ADAM12: variants seen among roughly 807,000 people sequenced by gnomAD.
ADAM12 encodes the protein ADAM metallopeptidase domain 12.
In ADAM12, 70 loss-of-function variants were observed where a neutral mutation model predicts 106.4. The observed-to-expected ratio is 0.66, with a 90% CI of 0.54 to 0.80. The LOEUF (loss-of-function observed/expected upper bound fraction) is 0.80, where lower values mean the gene tolerates loss of function less well. ADAM12 is among the 30% of genes least tolerant of loss of function. The probability of loss-of-function intolerance (pLI) is 0.00; values close to 1 mark genes in which losing one functional copy is unlikely to be tolerated. For missense variants in ADAM12, 1,010 were observed against 1,171.9 expected (o/e 0.86, Z 2.02); for synonymous variants, 420 against 433.5 (o/e 0.97, Z 0.39).
intron 21 of ADAM12, among the ~76,000 whole-genome samples, chr10:126,025,407 A>G (rs1953850358): frequency 6.6e-6 from 1 of 152,216 alleles, no homozygotes; most frequent in African/African-American, 2.4e-5. Flanking sequence ...ACAAGTATTA[A>G]CAGCAGAATA....
chr10:126,073,987 A>G (rs1955051114), intron 11 of ADAM12, among the ~76,000 whole-genome samples: 1 of 152,236 alleles, frequency 6.6e-6, no homozygotes, highest in Non-Finnish European at 1.5e-5. Flanking sequence ...GCAAAAAGAA[A>G]GAAAGAAAGA....
Position 126,098,585 on chromosome 10 carries a change from G to T in ADAM12, c.912-85C>A, listed in dbSNP as rs1590405975. ...TTTAAAAATTCTGTTGGATATTCCT[G>T]CAATAAAATACGCAAAAATAAAAAT... On this transcript the variant is annotated intron_variant, in intron 9 of 22. Transcript: ENST00000448723. The T allele has an allele frequency of 2.6e-6, 3 of 1,142,974 alleles. No individual in the cohort carries two copies. The East Asian group carries it at 7.1e-5, about 27-fold the overall frequency. 70.8% of individuals were successfully genotyped at this position (1,142,974 alleles called of 1,614,324 possible).
chr10:126,257,067 G>A (rs1958906989), intron 3 of ADAM12, among the ~76,000 whole-genome samples: 1 of 152,274 alleles, frequency 6.6e-6, no homozygotes, highest in Admixed American at 6.5e-5. Context: ...TCCTGCATAA[G>A]GCCTGCAGTG....
At chr10:126,311,130 CACACACA>C (rs1173786487) in intron 2 of ADAM12, among the ~76,000 whole-genome samples, 13 of 151,518 alleles carry the variant, frequency 8.6e-5, no homozygotes, top group African/African-American at 2.9e-4. Context: ...CACACACACA[CACACACA>C]CCTGCACGCA....
At position 126,049,988 on chromosome 10, in the gene ADAM12, GTGGC is replaced by G. The variant is rs60411537; in HGVS notation, c.1610-323_1610-320del. Reference sequence around the variant, plus strand: ...AGATCTGATCCAGGGCAGAAAGGAGGTGGCTGGCTGGCTGGCTGGCTGGCTGGCT... The same window carrying G: ...AGATCTGATCCAGGGCAGAAAGGAGGTGGCTGGCTGGCTGGCTGGCTGGCT... On this transcript the variant is annotated intron_variant, in intron 14 of 22. Coordinates refer to ENST00000448723, the MANE Select transcript of ADAM12 (RefSeq NM_001288973.2). This position sits in a 1 kb window ranked among gnomAD's most constrained non-coding sequence, Gnocchi z 4.4. Among the ~76,000 whole-genome samples the G allele has an allele frequency of 0.12, 17,295 of 149,778 alleles. 1,130 individuals are homozygous for G. The highest frequency in any genetic ancestry group is 0.28 in the Middle Eastern group (81 of 292).
intron 3 of ADAM12, among the ~76,000 whole-genome samples, chr10:126,244,853 G>A (rs1004707162): frequency 6.6e-6 from 1 of 152,232 alleles, no homozygotes; most frequent in African/African-American, 2.4e-5. Flanking sequence ...AGCTTTAAGA[G>A]AAGATGATAT....
chr10:126,050,485 C>T (rs141214952), intron 14 of ADAM12, among the ~76,000 whole-genome samples: 4 of 152,334 alleles, frequency 2.6e-5, no homozygotes, highest in Admixed American at 6.5e-5. Flanking sequence ...CCATGCCCTG[C>T]GGCGTGGTCC....
intron 1 of ADAM12, among the ~76,000 whole-genome samples, chr10:126,335,755 G>A (rs1854677111): frequency 6.6e-6 from 1 of 152,122 alleles, no homozygotes; most frequent in Non-Finnish European, 1.5e-5. Context: ...AGAGAAACCT[G>A]ACAAACCCTG....
intron 3 of ADAM12, among the ~76,000 whole-genome samples, chr10:126,257,239 G>T (rs1958910675): frequency 6.6e-6 from 1 of 152,216 alleles, no homozygotes; most frequent in South Asian, 2.1e-4. Context: ...GGGAAGGAAT[G>T]ATGTCAGGCA....
intron 3 of ADAM12, among the ~76,000 whole-genome samples, chr10:126,170,898 T>A (rs887967118): frequency 6.6e-6 from 1 of 152,112 alleles, no homozygotes; most frequent in Non-Finnish European, 1.5e-5. Context: ...AATACAAAAC[T>A]GGGAGCATTT....
intron 11 of ADAM12, among the ~76,000 whole-genome samples, chr10:126,075,620 C>T (rs921492237): frequency 1.3e-5 from 2 of 152,130 alleles, no homozygotes; most frequent in Non-Finnish European, 2.9e-5. Flanking sequence ...ACCAGGAAAC[C>T]TCACCAGTAA....
At chr10:126,347,676 C>G (rs771327943) in intron 1 of ADAM12, among the ~76,000 whole-genome samples, 20 of 152,194 alleles carry the variant, frequency 1.3e-4, no homozygotes, top group East Asian at 3.8e-4. Flanking sequence ...TTACTTATCA[C>G]TGAAATTGAG....
At chr10:126,093,879 C>T (rs941127644) in intron 11 of ADAM12, 106 bp downstream of exon 11, 6 of 1,520,918 alleles carry the variant, frequency 3.9e-6, no homozygotes, top group Non-Finnish European at 5.3e-6. Context: ...GGAAGCTTCC[C>T]TGGGTGCTCT....
At chr10:126,366,732 T>C (rs1432131137) in intron 1 of ADAM12, among the ~76,000 whole-genome samples, 1 of 152,050 alleles carries the variant, frequency 6.6e-6, no homozygotes, top group Non-Finnish European at 1.5e-5. Context: ...AAAAAAATGC[T>C]CTGCGCATAC....
chr10:126,141,327 C>G (rs1249532712), intron 4 of ADAM12, among the ~76,000 whole-genome samples: 4 of 152,232 alleles, frequency 2.6e-5, no homozygotes, highest in Non-Finnish European at 5.9e-5. Flanking sequence ...TCTCTAAAGA[C>G]ATTGCCGAAC....
chr10:126,113,687 AATATATATATATATAT>A lies in ADAM12; in HGVS notation c.604-3863_604-3848del, dbSNP rs71309278. On this transcript the variant is annotated intron_variant, in intron 6 of 22. Coordinates refer to ENST00000448723, the MANE Select transcript of ADAM12 (RefSeq NM_001288973.2). ...AAAAAAAAAAAAAAAAAAAAAAAAA[AATATATATATATATAT>A]ATATATATATATATATATATATATA... Among the ~76,000 whole-genome samples, 22 of 24,122 alleles carry A rather than the reference AATATATATATATATAT, an allele frequency of 9.1e-4. No individual in the cohort carries two copies. The East Asian group carries it at 9.4e-3, about 10-fold the overall frequency. The allele number at this position is 24,122 out of a possible 152,430, so 15.8% of individuals were successfully genotyped here.
chr10:126,143,028 GTA>G (rs988332416), intron 4 of ADAM12, among the ~76,000 whole-genome samples: 6 of 137,344 alleles, frequency 4.4e-5, no homozygotes, highest in East Asian at 4.0e-4. Context: ...ATATGCATTT[GTA>G]TATATATGTA....
chr10:126,059,023 A>T (rs997578482), intron 14 of ADAM12, among the ~76,000 whole-genome samples: 2 of 152,244 alleles, frequency 1.3e-5, no homozygotes, highest in Non-Finnish European at 2.9e-5. Flanking sequence ...TTATCAAAAG[A>T]TAAAATTTAG....
At chr10:126,197,977 G>A (rs1353010074) in intron 3 of ADAM12, among the ~76,000 whole-genome samples, 1 of 152,214 alleles carries the variant, frequency 6.6e-6, no homozygotes, top group Admixed American at 6.5e-5. Context: ...AGGGACTGGG[G>A]CTTCAATGTG....
Sources: gnomAD v4.1 joint callset for allele counts (sites outside exome capture counted in the v4.1 genomes callset) on GRCh38, gnomAD v4.1.1 for gene constraint, Gnocchi (gnomAD v3.1) non-coding constraint, MANE v1.5 for transcripts, NCBI Gene and HGNC (gene_info 2026-07-23, HGNC 2026-07-21) for gene names.